The following ADGRV1 variants were observed in gnomAD, a reference collection of about 807,000 sequenced individuals.
ADGRV1 encodes the protein G-protein coupled receptor 98.
ADGRV1 carries 359 observed loss-of-function variants against 596.2 expected under a neutral mutation model. The observed-to-expected ratio is 0.60, with a 90% confidence interval of 0.55 to 0.66. The LOEUF is 0.66. Among genes scored for constraint, ADGRV1 ranks in the 30% least tolerant of loss-of-function variants. The pLI, the probability that ADGRV1 is intolerant of heterozygous loss-of-function variation, is 0.00. For missense variants in ADGRV1, 7,274 were observed against 7,575.6 expected, an observed-to-expected ratio of 0.96 and a Z score of 1.48; for synonymous variants, 2,681 against 2,679.2, an observed-to-expected ratio of 1.00 and a Z score of -0.02.
intron 70 of ADGRV1, among the ~76,000 whole-genome samples, chr5:90,800,922 G>T (rs1213046230): frequency 6.6e-6 from 1 of 152,068 alleles, no homozygotes; most frequent in African/African-American, 2.4e-5. Context: ...GGGGCCTGTC[G>T]GGGTGGGCAC....
intron 85 of ADGRV1, among the ~76,000 whole-genome samples, chr5:90,998,325 T>G (rs1028343966): frequency 1.3e-5 from 2 of 152,152 alleles, no homozygotes; most frequent in African/African-American, 4.8e-5. Flanking sequence ...AAGTAAGCAT[T>G]ATTTTTTTTT....
intron 83 of ADGRV1, among the ~76,000 whole-genome samples, chr5:90,885,311 T>G (rs2150559229): frequency 6.6e-6 from 1 of 152,292 alleles, no homozygotes; most frequent in African/African-American, 2.4e-5. Context: ...GTTTTCTTGT[T>G]CCCAGGTGAT....
rs1768980770 is a variant in ADGRV1 at position 90,653,688 on chromosome 5, A to G, written c.4114A>G (p.Ile1372Val). The G allele has an allele frequency of 6.2e-7, 1 of 1,613,316 alleles. No individual in the cohort carries two copies. The highest frequency in any genetic ancestry group is 8.5e-7 in the Non-Finnish European group (1 of 1,179,628). The change falls in exon 20 of 90, where the codon ATA (isoleucine) becomes GTA (valine). Residue 1372 changes from isoleucine (I) to valine (V), a missense_variant. Ile to Val is a conservative substitution (Grantham distance 29, BLOSUM62 3). Transcript: ENST00000405460. ...CAATGCCAATACGAATGGATTCATT[A>G]TAGCGAAGGATGACGGTAATGGAAG... Reference protein sequence around the residue: ...MPNANTNGFIIAKDDGNGSIY... With the variant: ...MPNANTNGFIVAKDDGNGSIY...
At chr5:90,715,144 T>C (rs1162864931) in intron 42 of ADGRV1, among the ~76,000 whole-genome samples, 1 of 152,216 alleles carries the variant, frequency 6.6e-6, no homozygotes, top group Non-Finnish European at 1.5e-5. Context: ...AAAACCAAAC[T>C]GTAAGACAAG....
chr5:91,020,408 A>ACTTTTC (rs1783538271), intron 85 of ADGRV1, among the ~76,000 whole-genome samples: 1 of 152,094 alleles, frequency 6.6e-6, no homozygotes, highest in African/African-American at 2.4e-5. Flanking sequence ...TTCATTTTAG[A>ACTTTTC]AAGTACTTTC....
At chr5:91,123,078 C>A (rs534819866) in intron 87 of ADGRV1, among the ~76,000 whole-genome samples, 1 of 152,322 alleles carries the variant, frequency 6.6e-6, no homozygotes, top group Non-Finnish European at 1.5e-5. Context: ...CTGCTACTTG[C>A]TAGTCCTATG....
intron 17 of ADGRV1, 146 bp downstream of exon 17, chr5:90,647,910 G>A (rs1327603526): frequency 1.0e-5 from 7 of 684,438 alleles, no homozygotes; most frequent in African/African-American, 1.8e-5. Context: ...GCTTTCTTGA[G>A]AAATGGGGTG....
At chr5:90,686,055 T>C in intron 29 of ADGRV1, 60 bp downstream of exon 29, 6 of 1,027,124 alleles carry the variant, frequency 5.8e-6, no homozygotes, top group Non-Finnish European at 6.6e-6. Context: ...GAGGGACATG[T>C]ATCCTTGATT....
chr5:91,095,307 C>T (rs181534499), intron 86 of ADGRV1, among the ~76,000 whole-genome samples: 1 of 152,194 alleles, frequency 6.6e-6, no homozygotes, highest in East Asian at 1.9e-4. Flanking sequence ...TCAAGAGAGC[C>T]TCCTACCTCA....
intron 83 of ADGRV1, among the ~76,000 whole-genome samples, chr5:90,938,828 A>G (rs1775933466): frequency 6.6e-6 from 1 of 152,220 alleles, no homozygotes; most frequent in African/African-American, 2.4e-5. Flanking sequence ...TAGGAAAAGT[A>G]AAGTGATGAT....
At position 90,668,751 on chromosome 5, in the gene ADGRV1, G is replaced by A. The variant is rs184622924; in HGVS notation, c.4753-3795G>A. Among the ~76,000 whole-genome samples the A allele has an allele frequency of 4.9e-3, 747 of 152,154 alleles. 6 individuals are homozygous for A. Among genetic ancestry groups the A allele is most frequent in the African/African-American group, 0.017 (695 of 41,498 alleles). On this transcript the variant is annotated intron_variant, in intron 21 of 89. Transcript: ENST00000405460. ...TTTCTATAAAGTGTTGATATATAGC[G>A]TGTAACTGTACATTCTTTTATTAGA...
rs762161330 is a variant in ADGRV1 at position 90,853,473 on chromosome 5, A to G, written c.17394A>G (p.Thr5798=). 4.3e-6 allele frequency: 7 copies of G among 1,612,972 alleles called. No homozygotes were observed. Among genetic ancestry groups the G allele is most frequent in the Non-Finnish European group, 5.1e-6 (6 of 1,179,322 alleles). The change falls in exon 80 of 90, where the codon ACA becomes ACG. Residue 5798 remains threonine (T), a synonymous_variant. Coordinates refer to ENST00000405460, the MANE Select transcript of ADGRV1 (RefSeq NM_032119.4). ...GKSTCKLVQF[T]EYSSQQWFIS... Reference sequence around the variant, plus strand: ...GTACATGTAAATTAGTCCAGTTTACAGAGTATAGCAGCCAACAGTGGTTTA... The same window carrying G: ...GTACATGTAAATTAGTCCAGTTTACGGAGTATAGCAGCCAACAGTGGTTTA...
At position 91,013,977 on chromosome 5, in the gene ADGRV1, G is replaced by A. The variant is rs145463559; in HGVS notation, c.18152+28455G>A. On this transcript the variant is annotated intron_variant, in intron 85 of 89. Transcript: ENST00000405460. ...TTGAATAGGGAGTCTTTTCCCAATGGTATGTTTTGGTCAGCTTAGTTAAAG... is the reference window on the plus strand; with the variant it reads ...TTGAATAGGGAGTCTTTTCCCAATGATATGTTTTGGTCAGCTTAGTTAAAG... Among the ~76,000 whole-genome samples the A allele has an allele frequency of 3.2e-3, 480 of 151,922 alleles. 2 individuals carry two copies. Among genetic ancestry groups the A allele is most frequent in the African/African-American group, 0.011 (444 of 41,446 alleles).
At chr5:91,002,306 G>A (rs960038790) in intron 85 of ADGRV1, among the ~76,000 whole-genome samples, 8 of 152,090 alleles carry the variant, frequency 5.3e-5, no homozygotes, top group African/African-American at 1.7e-4. Context: ...TGTCTTTCAT[G>A]TTCATAATAA....
chr5:90,808,355 CTT>C (rs1762106273), intron 73 of ADGRV1, among the ~76,000 whole-genome samples: 2 of 152,116 alleles, frequency 1.3e-5, no homozygotes, highest in South Asian at 2.1e-4. Flanking sequence ...CGCTGTGTAA[CTT>C]TGAGAAAATT....
intron 84 of ADGRV1, among the ~76,000 whole-genome samples, chr5:90,966,530 C>CAAAAAAA (rs67304974): frequency 9.9e-6 from 1 of 100,720 alleles, no homozygotes; most frequent in Admixed American, 1.2e-4. Flanking sequence ...GAAACTCTGC[C>CAAAAAAA]AAAAAAAAAA....
intron 26 of ADGRV1, 42 bp from the exon 27 acceptor site, chr5:90,681,273 T>C (rs765714346): frequency 6.3e-7 from 1 of 1,596,576 alleles, no homozygotes; most frequent in Non-Finnish European, 8.5e-7. Context: ...AAATTACTGA[T>C]CATCATTTTT....
At chr5:90,707,649 C>T (rs1748778521) in intron 38 of ADGRV1, among the ~76,000 whole-genome samples, 1 of 152,128 alleles carries the variant, frequency 6.6e-6, no homozygotes, top group Admixed American at 6.5e-5. Flanking sequence ...CAAATGTATA[C>T]TCTATTAATA....
chr5:90,672,534 A>G lies in ADGRV1; in HGVS notation c.4753-12A>G, dbSNP rs1289701714. ...TGCTATGCACCTATTAATAATTTAC[A>G]TTCAATTTCAGATTGCAGAGGAGGG... On this transcript the variant is annotated splice_polypyrimidine_tract_variant and intron_variant, in intron 21 of 89. Coordinates refer to ENST00000405460, the MANE Select transcript of ADGRV1 (RefSeq NM_032119.4). The G allele has an allele frequency of 1.2e-6, 2 of 1,608,648 alleles. No individual in the cohort carries two copies. The highest frequency in any genetic ancestry group is 1.7e-6 in the Non-Finnish European group (2 of 1,176,060).
Sources: gnomAD v4.1 joint callset for allele counts (sites outside exome capture counted in the v4.1 genomes callset) on GRCh38, gnomAD v4.1.1 for gene constraint, MANE v1.5 for transcripts, NCBI Gene and HGNC (gene_info 2026-07-23, HGNC 2026-07-21) for gene names.